ARHGEF10: variants seen among roughly 807,000 people sequenced by gnomAD.
ARHGEF10 encodes the protein Rho guanine nucleotide exchange factor 10.
ARHGEF10 carries 140 observed loss-of-function variants against 147.4 expected under a neutral mutation model. That is an observed-to-expected ratio of 0.95 (90% confidence interval 0.83 to 1.09). The LOEUF is 1.09. Among genes scored for constraint, ARHGEF10 ranks in the 50% least tolerant of loss-of-function variants. The pLI is 0.00. For synonymous variants in ARHGEF10, 902 were observed against 695.8 expected (o/e 1.30, Z -4.67); for missense variants, 2,222 against 1,752.7 (o/e 1.27, Z -4.78).
At chr8:1,837,099 G>A (rs1247413938) in intron 1 of ARHGEF10, among the ~76,000 whole-genome samples, 3 of 152,276 alleles carry the variant, frequency 2.0e-5, no homozygotes, top group Non-Finnish European at 2.9e-5. Context: ...TAGGAATGCA[G>A]TTTTTAAGGG....
chr8:1,868,372 G>A (rs536393215), intron 6 of ARHGEF10, among the ~76,000 whole-genome samples: 3 of 152,144 alleles, frequency 2.0e-5, no homozygotes, highest in African/African-American at 7.2e-5. Flanking sequence ...TAGTTTGGAC[G>A]TTCTCTTGCA....
rs781614900 is a variant in ARHGEF10 at position 1,926,326 on chromosome 8, A to G, written c.2611-51A>G. On this transcript the variant is annotated intron_variant, in intron 22 of 28. Coordinates refer to ENST00000349830, the MANE Select transcript of ARHGEF10 (RefSeq NM_014629.4). ...CATTTAAGACGTTATGTAGTCTAGG[A>G]GCCTCTTAGCTCTGTTTTATATGTG... 2.7e-6 allele frequency: 4 copies of G among 1,454,904 alleles called. No individual in the cohort carries two copies. In the South Asian group the frequency reaches 3.4e-5, roughly 12 times the overall value. 90.1% of individuals were successfully genotyped at this position (1,454,904 alleles called of 1,614,324 possible). A position where few individuals can be genotyped will look rare whatever the true frequency, so the allele number is the denominator to read the frequency against.
At chr8:1,872,523 G>A (rs1331419379) in intron 7 of ARHGEF10, among the ~76,000 whole-genome samples, 1 of 152,216 alleles carries the variant, frequency 6.6e-6, no homozygotes, top group Non-Finnish European at 1.5e-5. Context: ...AAGTAAGCAA[G>A]AGCCTGTTTT....
At chr8:1,864,576 C>G (rs1456316571) in intron 5 of ARHGEF10, 140 bp downstream of exon 5, 6 of 823,390 alleles carry the variant, frequency 7.3e-6, no homozygotes, top group African/African-American at 1.7e-5. Context: ...CCTCCTGCCT[C>G]GGGTCCCTCC....
rs920631783 is a variant in ARHGEF10 at position 1,843,555 on chromosome 8, T to C, written c.37+119T>C. On this transcript the variant is annotated intron_variant, in intron 2 of 28. Transcript: ENST00000349830. ...CTGGGGTATGGGGTGGAGTGAGAGCTTCTTGGGAGAAAGAGAAGGTTCTGA... is the reference window on the plus strand; with the variant it reads ...CTGGGGTATGGGGTGGAGTGAGAGCCTCTTGGGAGAAAGAGAAGGTTCTGA... 7.5e-6 allele frequency: 6 copies of C among 798,428 alleles called. No individual in the cohort carries two copies. In the African/African-American group the frequency reaches 1.0e-4, roughly 14 times the overall value. The allele number at this position is 798,428 out of a possible 1,614,324, so 49.5% of individuals were successfully genotyped here. A position where few individuals can be genotyped will look rare whatever the true frequency, so the allele number is the denominator to read the frequency against.
At chr8:1,836,856 A>G (rs1365833856) in intron 1 of ARHGEF10, among the ~76,000 whole-genome samples, 1 of 152,180 alleles carries the variant, frequency 6.6e-6, no homozygotes, top group Non-Finnish European at 1.5e-5. Flanking sequence ...GATAGTGAAT[A>G]AGTCTCACGA....
chr8:1,835,911 G>A lies in ARHGEF10; in HGVS notation c.-47-7442G>A, dbSNP rs947533220. Among the ~76,000 whole-genome samples the A allele has an allele frequency of 2.0e-5, 3 of 152,288 alleles. 1 individual carries two copies. In the South Asian group the frequency reaches 6.2e-4, roughly 32 times the overall value. On this transcript the variant is annotated intron_variant, in intron 1 of 28. Transcript: ENST00000349830. Reference sequence around the variant, plus strand: ...AAAACCACAATCCAGGCCAGGCGCCGTGGCTCACACCTGTAATCCCGGCAC... The same window carrying A: ...AAAACCACAATCCAGGCCAGGCGCCATGGCTCACACCTGTAATCCCGGCAC...
chr8:1,922,743 G>A (rs1218199897), intron 18 of ARHGEF10, among the ~76,000 whole-genome samples: 1 of 152,178 alleles, frequency 6.6e-6, no homozygotes, highest in Admixed American at 6.5e-5. Flanking sequence ...TGGGCATTCA[G>A]GAGGCAGCTC....
intron 15 of ARHGEF10, among the ~76,000 whole-genome samples, chr8:1,900,170 A>G (rs147745554): frequency 4.1e-4 from 63 of 152,336 alleles, no homozygotes; most frequent in Middle Eastern, 6.8e-3. Context: ...AGTAACTACA[A>G]GTAAGTAAGT....
chr8:1,901,408 G>A (rs1237286268), intron 15 of ARHGEF10, among the ~76,000 whole-genome samples: 1 of 152,166 alleles, frequency 6.6e-6, no homozygotes. Context: ...AGCCACAGCT[G>A]TCCCCTGGCT....
At chr8:1,931,926 G>A (rs1276652120) in intron 25 of ARHGEF10, among the ~76,000 whole-genome samples, 1 of 152,216 alleles carries the variant, frequency 6.6e-6, no homozygotes, top group Non-Finnish European at 1.5e-5. Flanking sequence ...GTTGTTGGAA[G>A]TTAAACCTTA....
intron 8 of ARHGEF10, among the ~76,000 whole-genome samples, chr8:1,878,516 A>T (rs1299259682): frequency 6.6e-6 from 1 of 152,192 alleles, no homozygotes. Flanking sequence ...CTGATAACTG[A>T]GGTGATATTT....
intron 3 of ARHGEF10, 122 bp downstream of exon 3, chr8:1,858,237 T>A (rs942376044): frequency 1.1e-6 from 1 of 886,252 alleles, no homozygotes; most frequent in Non-Finnish European, 1.7e-6. Flanking sequence ...AGTCCCCAGG[T>A]GGGTCCCCAG....
chr8:1,867,756 T>G (rs1806747323), intron 6 of ARHGEF10, among the ~76,000 whole-genome samples: 1 of 152,244 alleles, frequency 6.6e-6, no homozygotes, highest in Non-Finnish European at 1.5e-5. Flanking sequence ...TGCCTCTCAT[T>G]ATCCACTGGC....
chr8:1,830,242 C>A (rs1196605550), intron 1 of ARHGEF10, among the ~76,000 whole-genome samples: 1 of 152,152 alleles, frequency 6.6e-6, no homozygotes, highest in Non-Finnish European at 1.5e-5. Flanking sequence ...GCGTGGCAGG[C>A]GGCTCATTTC....
intron 26 of ARHGEF10, among the ~76,000 whole-genome samples, chr8:1,939,653 G>C (rs1412027522): frequency 6.6e-6 from 1 of 152,236 alleles, no homozygotes; most frequent in African/African-American, 2.4e-5. Flanking sequence ...GGTGAGGAGG[G>C]ATTCACTAGG....
At chr8:1,939,431 C>T (rs143396671) in intron 26 of ARHGEF10, among the ~76,000 whole-genome samples, 23 of 152,354 alleles carry the variant, frequency 1.5e-4, no homozygotes, top group Admixed American at 8.5e-4. Flanking sequence ...GGGCTGCCAG[C>T]GTGAGTGAGG....
At chr8:1,926,356 T>G (rs1812692295) in intron 22 of ARHGEF10, 21 bp from the exon 23 acceptor site, 1 of 1,601,762 alleles carries the variant, frequency 6.2e-7, no homozygotes, top group African/African-American at 1.3e-5. Flanking sequence ...TATGTGAGCG[T>G]TTGATTTTAT....
At chr8:1,880,326 G>A (rs1053279094) in intron 9 of ARHGEF10, among the ~76,000 whole-genome samples, 162 bp downstream of exon 9, 3 of 152,172 alleles carry the variant, frequency 2.0e-5, no homozygotes, top group African/African-American at 7.2e-5. Context: ...ACTCTGAGAC[G>A]CTCTGTGCCT....
Sources: gnomAD v4.1 joint callset for allele counts (sites outside exome capture counted in the v4.1 genomes callset) on GRCh38, gnomAD v4.1.1 for gene constraint, MANE v1.5 for transcripts, NCBI Gene and HGNC (gene_info 2026-07-23, HGNC 2026-07-21) for gene names.